Variants in IFNG-AS1 observed in about 807,000 individuals in gnomAD.
The protein encoded by IFNG-AS1 is IFNG regulatory antisense RNA 1, also known as IFNG antisense RNA 1 (non-protein coding).
At chr12:68,003,608 G>C (rs926322975) in intron 2 of IFNG-AS1, among the ~76,000 whole-genome samples, 1 of 151,978 alleles carries the variant, frequency 6.6e-6, no homozygotes, top group Non-Finnish European at 1.5e-5. Flanking sequence ...CCTCCCTTGC[G>C]CTAAAGCTTA....
At chr12:68,007,295 C>T (rs1879927423) in intron 3 of IFNG-AS1, among the ~76,000 whole-genome samples, 1 of 152,230 alleles carries the variant, frequency 6.6e-6, no homozygotes, top group African/African-American at 2.4e-5. Flanking sequence ...ACAGTAAGCA[C>T]TCTATGAATC....
intron 2 of IFNG-AS1, among the ~76,000 whole-genome samples, chr12:67,997,592 A>G (rs1879672339): frequency 6.6e-6 from 1 of 151,842 alleles, no homozygotes; most frequent in Non-Finnish European, 1.5e-5. Context: ...GGTATAGGGA[A>G]AGATTTTCTA....
At chr12:68,002,969 A>G (rs1879804658) in intron 2 of IFNG-AS1, among the ~76,000 whole-genome samples, 2 of 152,218 alleles carry the variant, frequency 1.3e-5, no homozygotes, top group South Asian at 2.1e-4. Flanking sequence ...AAAATACTCT[A>G]TATTTATTCT....
intron 1 of IFNG-AS1, among the ~76,000 whole-genome samples, chr12:67,990,640 C>A (rs1396170255): frequency 6.6e-6 from 1 of 151,714 alleles, no homozygotes; most frequent in Non-Finnish European, 1.5e-5. Context: ...GTCGACCGGG[C>A]TGGAGTGCAG....
chr12:67,999,240 A>T (rs1879711874), intron 2 of IFNG-AS1, among the ~76,000 whole-genome samples: 1 of 152,228 alleles, frequency 6.6e-6, no homozygotes, highest in South Asian at 2.1e-4. Flanking sequence ...GTATGTACAC[A>T]TGTTTATTAT....
Position 68,000,536 on chromosome 12 carries a change from G to A in IFNG-AS1, n.184+4463G>A, listed in dbSNP as rs549410434. 3.3e-5 allele frequency among the ~76,000 whole-genome samples: 5 copies of A among 152,130 alleles called. No individual in the cohort carries two copies. The South Asian group carries it at 1.0e-3, about 32-fold the overall frequency. On this transcript the variant is annotated intron_variant and non_coding_transcript_variant, in intron 2 of 5. Coordinates refer to ENST00000536914, the Ensembl canonical transcript of IFNG-AS1. ...AAAAATAAAAAACTAACCAGGCATCGTGGTGCACACCTGTAAGTCCCAGAT... is the reference window on the plus strand; with the variant it reads ...AAAAATAAAAAACTAACCAGGCATCATGGTGCACACCTGTAAGTCCCAGAT...
At position 67,999,538 on chromosome 12, in the gene IFNG-AS1, T is replaced by C. The variant is rs191454081; in HGVS notation, n.184+3465T>C. Among the ~76,000 whole-genome samples, 5 of 152,252 alleles carry C rather than the reference T, an allele frequency of 3.3e-5. No homozygotes were observed. The East Asian group carries it at 7.7e-4, about 23-fold the overall frequency. ...ACTTGAAGGGGCCCCCAGTGGTCAATTGTGAGCCAATTTGAAGAACAAAGT... is the reference window on the plus strand; with the variant it reads ...ACTTGAAGGGGCCCCCAGTGGTCAACTGTGAGCCAATTTGAAGAACAAAGT... On this transcript the variant is annotated intron_variant and non_coding_transcript_variant, in intron 2 of 5. Transcript: ENST00000536914.
intron 2 of IFNG-AS1, among the ~76,000 whole-genome samples, chr12:67,997,429 T>C (rs1879666632): frequency 6.6e-6 from 1 of 151,980 alleles, no homozygotes; most frequent in Admixed American, 6.6e-5. Context: ...CTGGGACAAC[T>C]GGATAGGTAT....
intron 3 of IFNG-AS1, among the ~76,000 whole-genome samples, chr12:68,011,997 T>C (rs935402219): frequency 6.6e-6 from 1 of 152,086 alleles, no homozygotes; most frequent in Admixed American, 6.5e-5. Context: ...TTGGGGAAGG[T>C]TTGATGTTTT....
intron 1 of IFNG-AS1, among the ~76,000 whole-genome samples, chr12:67,995,461 G>A (rs1432722789): frequency 1.2e-4 from 17 of 140,950 alleles, no homozygotes. Context: ...TGTGGCTCAC[G>A]CCTGTAATCT....
At chr12:67,997,605 C>T (rs1375927951) in intron 2 of IFNG-AS1, among the ~76,000 whole-genome samples, 4 of 150,686 alleles carry the variant, frequency 2.7e-5, no homozygotes, top group African/African-American at 9.7e-5. Context: ...ATTTTCTAAC[C>T]ATGACTCAAA....
chr12:67,990,514 G>A (rs1363614220), intron 1 of IFNG-AS1, among the ~76,000 whole-genome samples: 3 of 152,080 alleles, frequency 2.0e-5, no homozygotes, highest in African/African-American at 7.2e-5. Context: ...AGAAACATCT[G>A]AACATCTTAT....
intron 3 of IFNG-AS1, among the ~76,000 whole-genome samples, chr12:68,016,389 A>C (rs952667572): frequency 6.6e-6 from 1 of 152,000 alleles, no homozygotes; most frequent in Non-Finnish European, 1.5e-5. Context: ...TAAGTCACCC[A>C]CCACCATGAT....
At chr12:68,015,982 A>G (rs1401076627) in intron 3 of IFNG-AS1, among the ~76,000 whole-genome samples, 1 of 152,088 alleles carries the variant, frequency 6.6e-6, no homozygotes, top group Non-Finnish European at 1.5e-5. Context: ...AATTGACACA[A>G]CTTCAAATTA....
chr12:68,008,134 C>T (rs1338122299), intron 3 of IFNG-AS1, among the ~76,000 whole-genome samples: 1 of 152,034 alleles, frequency 6.6e-6, no homozygotes, highest in Non-Finnish European at 1.5e-5. Context: ...ATTAGAGATA[C>T]AGCCAGGCGC....
At chr12:68,001,848 G>A (rs1383257960) in intron 2 of IFNG-AS1, among the ~76,000 whole-genome samples, 1 of 152,128 alleles carries the variant, frequency 6.6e-6, no homozygotes, top group Non-Finnish European at 1.5e-5. Context: ...TTCTGCTACT[G>A]AAACATACCA....
intron 3 of IFNG-AS1, among the ~76,000 whole-genome samples, chr12:68,012,212 T>C (rs1334850767): frequency 6.6e-6 from 1 of 152,206 alleles, no homozygotes; most frequent in Non-Finnish European, 1.5e-5. Flanking sequence ...GCCAAGTTGC[T>C]TTAAGGATCT....
chr12:68,017,630 A>C (rs996154528), intron 3 of IFNG-AS1, among the ~76,000 whole-genome samples: 1 of 152,192 alleles, frequency 6.6e-6, no homozygotes, highest in Non-Finnish European at 1.5e-5. Flanking sequence ...CCATTTACCA[A>C]GGGGAGGCAC....
At chr12:68,019,495 A>G (rs978769373) in intron 3 of IFNG-AS1, among the ~76,000 whole-genome samples, 13 of 152,168 alleles carry the variant, frequency 8.5e-5, no homozygotes, top group African/African-American at 3.1e-4. Context: ...GTACCTCTGG[A>G]GCACAGCGTC....
Sources: gnomAD v4.1 joint callset for allele counts (sites outside exome capture counted in the v4.1 genomes callset) on GRCh38, gnomAD v4.1.1 for gene constraint, MANE v1.5 for transcripts, NCBI Gene and HGNC (gene_info 2026-07-23, HGNC 2026-07-21) for gene names.